ACACA: variants seen among roughly 807,000 people sequenced by gnomAD.
ACACA encodes acetyl-CoA carboxylase alpha.
Under a neutral mutation model 296.1 loss-of-function variants are expected in ACACA, and 103 were observed. The ratio of observed to expected loss-of-function variants is 0.35; its 90% CI spans 0.30 to 0.41. ACACA has a LOEUF of 0.41. Ranked by LOEUF, ACACA falls within the 10% of genes least tolerant of loss-of-function variation. ACACA has a pLI of 1.00. For synonymous variants in ACACA, 953 were observed against 1,038.6 expected, an observed-to-expected ratio of 0.92 and a Z score of 1.58; for missense variants, 1,554 against 2,989.7, an observed-to-expected ratio of 0.52 and a Z score of 11.20.
chr17:37,313,021 C>G (rs2084238187), intron 3 of ACACA, among the ~76,000 whole-genome samples: 1 of 152,162 alleles, frequency 6.6e-6, no homozygotes, highest in Non-Finnish European at 1.5e-5. Flanking sequence ...CCTTGATGAA[C>G]TCCTAGACAT....
chr17:37,335,292 C>G (rs758206178), intron 2 of ACACA, among the ~76,000 whole-genome samples: 3 of 152,138 alleles, frequency 2.0e-5, no homozygotes, highest in Non-Finnish European at 4.4e-5. Context: ...AACAATGGAA[C>G]AACTTCAGCA....
At chr17:37,173,820 C>A (rs1458062107) in intron 41 of ACACA, among the ~76,000 whole-genome samples, 2 of 139,828 alleles carry the variant, frequency 1.4e-5, no homozygotes, top group Non-Finnish European at 3.1e-5. Context: ...GGCAGCTAGT[C>A]TTTTTTTTTT....
Position 37,335,839 on chromosome 17 carries a change from G to A in ACACA, c.85+3965C>T, listed in dbSNP as rs560124915. Among the ~76,000 whole-genome samples, 8 of 152,272 alleles carry A rather than the reference G, an allele frequency of 5.3e-5. No homozygotes were observed. In the South Asian group the frequency reaches 6.2e-4, roughly 12 times the overall value. On this transcript the variant is annotated intron_variant, in intron 2 of 55. Transcript: ENST00000616317. ...TCGAAGAGCTTTAGACTTGCTAACCGCGGAAAGCGGGGGAACCTTTTTATT... is the reference window on the plus strand; with the variant it reads ...TCGAAGAGCTTTAGACTTGCTAACCACGGAAAGCGGGGGAACCTTTTTATT...
chr17:37,116,321 G>A (rs186083284), intron 50 of ACACA, among the ~76,000 whole-genome samples: 128 of 152,310 alleles, frequency 8.4e-4, no homozygotes, highest in African/African-American at 2.7e-3. Context: ...AGGAGAGACA[G>A]CATGAGACTG....
rs550349057 is a variant in ACACA, at chr17:37,347,309, G to A, written c.39-7459C>T. Reference sequence around the variant, plus strand: ...TCTCCCTGGCCATATAGCACAGTAAGTGCATTAAACCTCTTTCTTTTGTAA... The same window carrying A: ...TCTCCCTGGCCATATAGCACAGTAAATGCATTAAACCTCTTTCTTTTGTAA... On this transcript the variant is annotated intron_variant, in intron 1 of 55. Coordinates refer to ENST00000616317, the MANE Select transcript of ACACA (RefSeq NM_198834.3). Among the ~76,000 whole-genome samples, 4 of 152,224 alleles carry A rather than the reference G, an allele frequency of 2.6e-5. No homozygotes were observed. The South Asian group carries it at 6.2e-4, about 24-fold the overall frequency.
At chr17:37,187,712 G>A (rs1045134799) in intron 39 of ACACA, among the ~76,000 whole-genome samples, 8 of 152,126 alleles carry the variant, frequency 5.3e-5, no homozygotes, top group Admixed American at 5.2e-4. Context: ...TGAAATCTTT[G>A]AAGGAAAGGG....
intron 14 of ACACA, among the ~76,000 whole-genome samples, chr17:37,255,377 GAAGA>G (rs2081182639): frequency 6.6e-6 from 1 of 152,172 alleles, no homozygotes; most frequent in South Asian, 2.1e-4. Context: ...CTAATGAAAT[GAAGA>G]AATAAGAAAC....
rs1400406168 is a variant in ACACA, at chr17:37,121,493, A to G, written c.6139-3T>C. 6.2e-7 allele frequency: 1 copy of G among 1,614,132 alleles called. No individual in the cohort carries two copies. Among genetic ancestry groups the G allele is most frequent in the Middle Eastern group, 1.7e-4 (1 of 6,060 alleles). ...ACCTGGCCAGCCTGCTGGATTATCT[A>G]TTAGGAAAAGTCAAAGAAGACACAA... is the stretch of plus-strand genomic sequence containing the variant. On this transcript the variant is annotated splice_polypyrimidine_tract_variant and splice_region_variant and intron_variant, in intron 49 of 55. Coordinates refer to ENST00000616317, the MANE Select transcript of ACACA (RefSeq NM_198834.3).
chr17:37,275,884 G>T, intron 8 of ACACA, 67 bp downstream of exon 8: 1 of 1,338,712 alleles, frequency 7.5e-7, no homozygotes, highest in Non-Finnish European at 1.1e-6. Context: ...TTTCAAAAGA[G>T]GTAAGTCCCA....
intron 3 of ACACA, among the ~76,000 whole-genome samples, chr17:37,290,470 C>T (rs757115056): frequency 6.6e-6 from 1 of 152,208 alleles, no homozygotes; most frequent in African/African-American, 2.4e-5. Context: ...CATGCACTGG[C>T]ATATTAATCC....
intron 45 of ACACA, among the ~76,000 whole-genome samples, chr17:37,134,977 G>A (rs1567704786): frequency 6.6e-6 from 1 of 152,030 alleles, no homozygotes; most frequent in Non-Finnish European, 1.5e-5. Context: ...GTAAAATAGG[G>A]ACAAAAGAAA....
At position 37,205,887 on chromosome 17, in the gene ACACA, C is replaced by A; in HGVS notation, c.3949-15G>T. ...TCCCTGGGAACCTGTAACTCAAGAACACAAGTCAAAGAAATTATGAGGCTG... is the reference window on the plus strand; with the variant it reads ...TCCCTGGGAACCTGTAACTCAAGAAAACAAGTCAAAGAAATTATGAGGCTG... On this transcript the variant is annotated splice_polypyrimidine_tract_variant and intron_variant, in intron 32 of 55. Transcript: ENST00000616317. 1.3e-6 allele frequency: 2 copies of A among 1,590,130 alleles called. No homozygotes were observed. The highest frequency in any genetic ancestry group is 1.7e-6 in the Non-Finnish European group (2 of 1,160,746).
At chr17:37,181,495 C>A in intron 39 of ACACA, 139 bp from the exon 40 acceptor site, 1 of 852,084 alleles carries the variant, frequency 1.2e-6, no homozygotes, top group South Asian at 1.4e-5. Flanking sequence ...TGCCTCTTAA[C>A]ACTGGGTACT....
intron 41 of ACACA, among the ~76,000 whole-genome samples, chr17:37,176,830 C>T (rs1419821295): frequency 1.3e-5 from 2 of 152,136 alleles, no homozygotes; most frequent in Admixed American, 6.6e-5. Context: ...TTGTGCAGTG[C>T]CCTATAATCT....
chr17:37,087,780 G>A (rs1169595777), intron 55 of ACACA, among the ~76,000 whole-genome samples: 1 of 152,218 alleles, frequency 6.6e-6, no homozygotes, highest in East Asian at 1.9e-4. Flanking sequence ...TCATGAGTCT[G>A]TACCAATAAT....
Position 37,278,048 on chromosome 17 carries a change from T to C in ACACA, c.611-43A>G, listed in dbSNP as rs756926156. The C allele has an allele frequency of 1.2e-5, 18 of 1,480,040 alleles. 2 individuals are homozygous for C. The South Asian group carries it at 1.9e-4, about 16-fold the overall frequency. 91.7% of individuals were successfully genotyped at this position (1,480,040 alleles called of 1,614,324 possible). A position where few individuals can be genotyped will look rare whatever the true frequency, so the allele number is the denominator to read the frequency against. ...TTAATAGAGAACACATGATTTTTTT[T>C]TCCAGAAATATAATTGCACAGCAAA... is the stretch of plus-strand genomic sequence containing the variant. On this transcript the variant is annotated intron_variant, in intron 5 of 55. Coordinates refer to ENST00000616317, the MANE Select transcript of ACACA (RefSeq NM_198834.3).
chr17:37,396,423 A>T (rs894082683), intron 1 of ACACA, among the ~76,000 whole-genome samples: 2 of 152,116 alleles, frequency 1.3e-5, no homozygotes, highest in Non-Finnish European at 2.9e-5. Flanking sequence ...TTTTAGATAA[A>T]CCCATAATCT....
chr17:37,318,468 T>G lies in ACACA; in HGVS notation c.338+11705A>C, dbSNP rs542583428. Reference sequence around the variant, plus strand: ...GTTGGCCAGGCTGGTTTTGAACTCCTCACCTCAGGAGATCCACCTGCCTTG... The same window carrying G: ...GTTGGCCAGGCTGGTTTTGAACTCCGCACCTCAGGAGATCCACCTGCCTTG... On this transcript the variant is annotated intron_variant, in intron 3 of 55. Coordinates refer to ENST00000616317, the MANE Select transcript of ACACA (RefSeq NM_198834.3). 3.3e-5 allele frequency among the ~76,000 whole-genome samples: 5 copies of G among 152,294 alleles called. No individual in the cohort carries two copies. In the East Asian group the frequency reaches 9.6e-4, roughly 29 times the overall value.
rs1233463730 is a variant in ACACA at position 37,089,094 on chromosome 17, G to A, written c.6892-20C>T. 2 of 1,613,948 alleles carry A rather than the reference G, an allele frequency of 1.2e-6. No homozygotes were observed. Among genetic ancestry groups the A allele is most frequent in the Non-Finnish European group, 8.5e-7 (1 of 1,180,020 alleles). ...ATAAGCCTGCAAACAGATGACTCTT[G>A]GTCAAACACCAGGGGTCAGGCCAGG... On this transcript the variant is annotated intron_variant, in intron 54 of 55. Transcript: ENST00000616317.
Sources: allele counts gnomAD v4.1 joint callset (sites outside exome capture counted in the v4.1 genomes callset), GRCh38; gene constraint gnomAD v4.1.1; transcripts MANE v1.5; gene names NCBI Gene and HGNC (gene_info 2026-07-23, HGNC 2026-07-21).